SMAD2: variants seen among roughly 807,000 people sequenced by gnomAD.
The protein encoded by SMAD2 is MAD homolog 2.
In SMAD2, 8 loss-of-function variants were observed where a neutral mutation model predicts 64.4. That is an observed-to-expected ratio of 0.12 (90% CI 0.07 to 0.22). The LOEUF (loss-of-function observed/expected upper bound fraction) is 0.22, where lower values mean the gene tolerates loss of function less well. SMAD2 is among the 10% of genes least tolerant of loss of function. The pLI is 1.00. For missense variants in SMAD2, 289 were observed against 561.2 expected, an observed-to-expected ratio of 0.51 and a Z score of 4.90; for synonymous variants, 203 against 195.8, an observed-to-expected ratio of 1.04 and a Z score of -0.31.
rs1913815288 is a variant in SMAD2 at position 47,840,269 on chromosome 18, A to T, written c.*1558T>A. On this transcript the variant is annotated 3_prime_UTR_variant, in exon 11 of 11. Transcript: ENST00000262160. ...CCAAAGACAGCTTCAAAAATATGAA[A>T]ATTTATGAAAAGACGACCAGGAGTG... is the stretch of plus-strand genomic sequence containing the variant. 4.3e-6 allele frequency: 1 copy of T among 232,982 alleles called. No homozygotes were observed. The highest frequency in any genetic ancestry group is 1.8e-4 in the South Asian group (1 of 5,530). The allele number at this position is 232,982 out of a possible 1,614,324, so 14.4% of individuals were successfully genotyped here.
chr18:47,851,407 T>TTATAAAGCTA, intron 6 of SMAD2, 80 bp from the exon 7 acceptor site: 1 of 881,566 alleles, frequency 1.1e-6, no homozygotes, highest in African/African-American at 1.7e-5. Flanking sequence ...CTTTATCTGG[T>TTATAAAGCTA]TATAATTATC....
rs2031720907 is a variant in SMAD2, at chr18:47,868,425, C to T, written c.553G>A (p.Glu185Lys). ...AGAGGCGGAAGTTCTGTTAGGATCT[C>T]GGTGTGTCGGGGCACTAATACTGGA... ...LPPVLVPRHT[E>K]ILTELPPLDD... The change falls in exon 5 of 11, where the codon GAG becomes AAG. Residue 185 changes from glutamate (E) to lysine (K), a missense_variant. By Grantham distance (56) the Glu-to-Lys change is moderately conservative. Coordinates refer to ENST00000262160, the MANE Select transcript of SMAD2 (RefSeq NM_005901.6). The T allele has an allele frequency of 1.9e-6, 3 of 1,611,340 alleles. No homozygotes were observed. The highest frequency in any genetic ancestry group is 2.5e-6 in the Non-Finnish European group (3 of 1,178,424).
At chr18:47,850,661 T>TCCCC (rs1568042340) in intron 7 of SMAD2, among the ~76,000 whole-genome samples, 7 of 19,784 alleles carry the variant, frequency 3.5e-4, no homozygotes, top group East Asian at 5.3e-3. Context: ...ATATATATTA[T>TCCCC]ATACTATATA....
rs139684888 is a variant in SMAD2, at chr18:47,827,787, T to C, written c.*14040A>G. The C allele has an allele frequency of 6.9e-3, 1,285 of 185,892 alleles. 21 individuals carry two copies. The highest frequency in any genetic ancestry group is 0.029 in the African/African-American group (1,194 of 41,706). The allele number at this position is 185,892 out of a possible 1,614,324, so 11.5% of individuals were successfully genotyped here. A position where few individuals can be genotyped will look rare whatever the true frequency, so the allele number is the denominator to read the frequency against. On this transcript the variant is annotated 3_prime_UTR_variant, in exon 11 of 11. Coordinates refer to ENST00000262160, the MANE Select transcript of SMAD2 (RefSeq NM_005901.6). ...GGAGTCTCGCTCACTCAGTGCTCAA[T>C]GTTGCCCAGGCTGGAGTGCAGTGGC...
At chr18:47,890,432 C>A (rs76261853) in intron 2 of SMAD2, among the ~76,000 whole-genome samples, 2,311 of 152,244 alleles carry the variant, frequency 0.015, 60 homozygotes, top group African/African-American at 0.053. Context: ...TTAATGTCTA[C>A]AATTTAATGT....
At chr18:47,883,796 C>G (rs1337734086) in intron 2 of SMAD2, among the ~76,000 whole-genome samples, 1 of 152,096 alleles carries the variant, frequency 6.6e-6, no homozygotes, top group Non-Finnish European at 1.5e-5. Context: ...TGAGTTTGAC[C>G]ATGATATATC....
intron 6 of SMAD2, among the ~76,000 whole-genome samples, chr18:47,863,503 A>G (rs1286158800): frequency 6.6e-6 from 1 of 152,122 alleles, no homozygotes; most frequent in Non-Finnish European, 1.5e-5. Flanking sequence ...CCTGTGTTTC[A>G]GTTATATTGC....
chr18:47,841,770 G>T lies in SMAD2; in HGVS notation c.*57C>A. 6.2e-7 allele frequency: 1 copy of T among 1,605,148 alleles called. No homozygotes were observed. The highest frequency in any genetic ancestry group is 1.1e-5 in the South Asian group (1 of 90,734). On this transcript the variant is annotated 3_prime_UTR_variant, in exon 11 of 11. Transcript: ENST00000262160. ...ACAGTCCATAGGGACCACACACAAT[G>T]CTATGACAGAAGAGTTGTTACATTA...
Sources: allele counts gnomAD v4.1 joint callset (sites outside exome capture counted in the v4.1 genomes callset), GRCh38; gene constraint gnomAD v4.1.1; transcripts MANE v1.5; gene names NCBI Gene and HGNC (gene_info 2026-07-23, HGNC 2026-07-21).